Variants in RASGRP1 observed in about 807,000 individuals in gnomAD.
The protein encoded by RASGRP1 is RAS guanyl releasing protein 1.
Under a neutral mutation model 95.1 loss-of-function variants are expected in RASGRP1, and 37 were observed. The ratio of observed to expected loss-of-function variants is 0.39; its 90% CI spans 0.30 to 0.51. The LOEUF (loss-of-function observed/expected upper bound fraction) is 0.51. Ranked by LOEUF, RASGRP1 falls within the 20% of genes least tolerant of loss-of-function variation. The probability of loss-of-function intolerance (pLI) is 0.80; values close to 1 mark genes in which losing one functional copy is unlikely to be tolerated. For missense variants in RASGRP1, 711 were observed against 965.4 expected, an observed-to-expected ratio of 0.74 and a Z score of 3.49; for synonymous variants, 325 against 353.4, an observed-to-expected ratio of 0.92 and a Z score of 0.90.
chr15:38,498,617 A>G (rs1344503767), intron 15 of RASGRP1, among the ~76,000 whole-genome samples, 177 bp downstream of exon 15: 1 of 152,116 alleles, frequency 6.6e-6, no homozygotes, highest in African/African-American at 2.4e-5. Context: ...CTCACACCTT[A>G]AGTCTAAGAC....
chr15:38,517,666 T>C (rs1343712165), intron 5 of RASGRP1, among the ~76,000 whole-genome samples: 1 of 152,178 alleles, frequency 6.6e-6, no homozygotes, highest in African/African-American at 2.4e-5. Flanking sequence ...TCTAGAATTC[T>C]ATTTCTTAGG....
chr15:38,540,190 A>G (rs1203765660), intron 2 of RASGRP1, among the ~76,000 whole-genome samples: 3 of 152,100 alleles, frequency 2.0e-5, no homozygotes, highest in Non-Finnish European at 4.4e-5. Context: ...GGCCGGCCAA[A>G]GTTCTGGGAT....
intron 2 of RASGRP1, among the ~76,000 whole-genome samples, chr15:38,546,058 C>T (rs1006599130): frequency 6.6e-6 from 1 of 152,166 alleles, no homozygotes; most frequent in Non-Finnish European, 1.5e-5. Flanking sequence ...CTTGTATCTC[C>T]ATGATGTGAT....
intron 2 of RASGRP1, among the ~76,000 whole-genome samples, chr15:38,528,666 T>G (rs1015764301): frequency 2.6e-5 from 4 of 152,188 alleles, no homozygotes; most frequent in African/African-American, 9.6e-5. Flanking sequence ...GCTTTTTCTT[T>G]TATTTATTTT....
intron 13 of RASGRP1, among the ~76,000 whole-genome samples, 199 bp from the exon 14 acceptor site, chr15:38,500,338 G>C (rs1890962690): frequency 6.8e-6 from 1 of 146,402 alleles, no homozygotes; most frequent in African/African-American, 2.8e-5. Context: ...TCAAGAAGCA[G>C]GTTTTTTTTG....
In RASGRP1 at chr15:38,501,168, G is replaced by C; in HGVS notation, c.1658C>G (p.Thr553Ser). 2 of 1,609,754 alleles carry C rather than the reference G, an allele frequency of 1.2e-6. No homozygotes were observed. Among genetic ancestry groups the C allele is most frequent in the Non-Finnish European group, 1.7e-6 (2 of 1,178,040 alleles). Residue 553 changes from threonine to serine, a missense_variant, in exon 13 of 17, where the codon ACT becomes AGT. Coordinates refer to ENST00000310803, the MANE Select transcript of RASGRP1 (RefSeq NM_005739.4). ...AAATCCAGCACAGTTGTCACAAAAA[G>C]TGGGCTTCAGGTAGGTGGTCTCTTG... ...NFQETTYLKP[T>S]FCDNCAGFLW...
At chr15:38,558,391 G>A (rs1235431659) in intron 2 of RASGRP1, among the ~76,000 whole-genome samples, 1 of 152,222 alleles carries the variant, frequency 6.6e-6, no homozygotes, top group Non-Finnish European at 1.5e-5. Context: ...TAAGATTGAA[G>A]TATAAAATAA....
intron 12 of RASGRP1, among the ~76,000 whole-genome samples, chr15:38,501,892 T>C (rs936310840): frequency 2.0e-5 from 3 of 151,678 alleles, no homozygotes; most frequent in Non-Finnish European, 4.4e-5. Flanking sequence ...TTTGCTCTTG[T>C]GGCCCAGGCT....
chr15:38,560,275 G>A (rs1436580292), intron 1 of RASGRP1: 2 of 475,760 alleles, frequency 4.2e-6, no homozygotes, highest in Non-Finnish European at 7.7e-6. Context: ...CTTCCTGAAG[G>A]GGAATGGCAG....
At chr15:38,563,805 G>C (rs1459074441) in intron 1 of RASGRP1, among the ~76,000 whole-genome samples, 2 of 152,180 alleles carry the variant, frequency 1.3e-5, no homozygotes, top group East Asian at 3.9e-4. Context: ...GCTTCCTGCC[G>C]CTACTGGGTA....
At chr15:38,533,816 G>A (rs1252807464) in intron 2 of RASGRP1, among the ~76,000 whole-genome samples, 1 of 152,196 alleles carries the variant, frequency 6.6e-6, no homozygotes, top group Non-Finnish European at 1.5e-5. Flanking sequence ...TTAATGTAAA[G>A]CTCTCCTGGG....
intron 2 of RASGRP1, among the ~76,000 whole-genome samples, chr15:38,539,987 G>T (rs1001787566): frequency 1.3e-5 from 2 of 152,092 alleles, no homozygotes; most frequent in Non-Finnish European, 2.9e-5. Context: ...TATAATCATG[G>T]CTCACTGCAC....
Position 38,488,350 on chromosome 15 carries a change from G to A in RASGRP1, c.*2204C>T, listed in dbSNP as rs751581623. On this transcript the variant is annotated 3_prime_UTR_variant, in exon 17 of 17. Coordinates refer to ENST00000310803, the MANE Select transcript of RASGRP1 (RefSeq NM_005739.4). ...ATAAATACCTGGCCAAACTAAAGTC[G>A]TGTGAGATGCAGAAATTTACACTAG... The A allele has an allele frequency of 1.1e-4, 16 of 150,974 alleles. No individual in the cohort carries two copies. The highest frequency in any genetic ancestry group is 1.0e-3 in the South Asian group (5 of 4,772). 9.4% of individuals were successfully genotyped at this position (150,974 alleles called of 1,614,324 possible). A position where few individuals can be genotyped will look rare whatever the true frequency, so the allele number is the denominator to read the frequency against.
intron 2 of RASGRP1, among the ~76,000 whole-genome samples, chr15:38,555,561 G>A (rs925446314): frequency 3.3e-5 from 5 of 152,212 alleles, no homozygotes; most frequent in African/African-American, 1.2e-4. Context: ...AGGGGTAGGG[G>A]AAGGAGAACA....
In RASGRP1 at chr15:38,564,640, G is replaced by T; in HGVS notation, c.-12C>A. 1 of 1,330,250 alleles carries T rather than the reference G, an allele frequency of 7.5e-7. No homozygotes were observed. 82.4% of individuals were successfully genotyped at this position (1,330,250 alleles called of 1,614,324 possible). On this transcript the variant is annotated 5_prime_UTR_variant, in exon 1 of 17. Coordinates refer to ENST00000310803, the MANE Select transcript of RASGRP1 (RefSeq NM_005739.4). Reference sequence around the variant, plus strand: ...CCCAGGGTGCCCATGGCCGCGGCCCGCGCTCCCGGTGCCGGCTCACCTAGC... The same window carrying T: ...CCCAGGGTGCCCATGGCCGCGGCCCTCGCTCCCGGTGCCGGCTCACCTAGC...
chr15:38,494,848 C>A (rs988610168), intron 15 of RASGRP1, 81 bp from the exon 16 acceptor site: 2 of 1,184,130 alleles, frequency 1.7e-6, no homozygotes, highest in Non-Finnish European at 2.2e-6. Context: ...TTCAATGAGA[C>A]CTTTCTTATT....
Position 38,494,753 on chromosome 15 carries a change from G to A in RASGRP1, c.1888C>T (p.Pro630Ser), listed in dbSNP as rs762256928. The part of the protein sequence containing the change: ...KDLLHAPEEG[P>S]FTFPNGEAVE... ...GCCTCCCCATTAGGGAATGTAAAAG[G>A]TCCTTCCTCAGGTGCTGTAGGAAGA... Residue 630 changes from proline to serine, a missense_variant, in exon 16 of 17, where the codon CCT becomes TCT. Transcript: ENST00000310803. 6.7e-7 allele frequency: 1 copy of A among 1,500,058 alleles called. No individual in the cohort carries two copies. The highest frequency in any genetic ancestry group is 8.9e-7 in the Non-Finnish European group (1 of 1,127,872). The allele number at this position is 1,500,058 out of a possible 1,614,324, so 92.9% of individuals were successfully genotyped here. A position where few individuals can be genotyped will look rare whatever the true frequency, so the allele number is the denominator to read the frequency against.
In RASGRP1 at chr15:38,542,632, C is replaced by T. The variant is rs150822230; in HGVS notation, c.221-16228G>A. ...CTCAGGGCAACATGCAAGGGAAGTA[C>T]TTAACACAGCTGATTTGGTGCCTGC... On this transcript the variant is annotated intron_variant, in intron 2 of 16. Coordinates refer to ENST00000310803, the MANE Select transcript of RASGRP1 (RefSeq NM_005739.4). Among the ~76,000 whole-genome samples, 1,086 of 151,070 alleles carry T rather than the reference C, an allele frequency of 7.2e-3. 12 individuals are homozygous for T. Among genetic ancestry groups the T allele is most frequent in the African/African-American group, 0.024 (993 of 41,082 alleles).
chr15:38,510,456 C>T (rs995958121), intron 8 of RASGRP1, among the ~76,000 whole-genome samples: 3 of 152,184 alleles, frequency 2.0e-5, no homozygotes, highest in Non-Finnish European at 4.4e-5. Context: ...AAAGACTCCC[C>T]AAAAGGGAGC....
Sources: allele counts gnomAD v4.1 joint callset (sites outside exome capture counted in the v4.1 genomes callset), GRCh38; gene constraint gnomAD v4.1.1; transcripts MANE v1.5; gene names NCBI Gene and HGNC (gene_info 2026-07-23, HGNC 2026-07-21).